The following ANKRD11 variants were observed in gnomAD, a reference collection of about 807,000 sequenced individuals.
ANKRD11 encodes the protein ankyrin repeat domain 11.
In ANKRD11, 17 loss-of-function variants were observed where a neutral mutation model predicts 195.7. The observed-to-expected ratio is 0.09, with a 90% CI of 0.06 to 0.13. ANKRD11 has a LOEUF of 0.13. ANKRD11 is among the 10% of genes least tolerant of loss of function. The pLI is 1.00. For missense variants in ANKRD11, 3,735 were observed against 3,566.1 expected (o/e 1.05, Z -1.21); for synonymous variants, 1,953 against 1,528.1 (o/e 1.28, Z -6.49).
intron 7 of ANKRD11, chr16:89,288,226 C>G (rs2034788638): frequency 1.6e-6 from 1 of 612,522 alleles, no homozygotes. Flanking sequence ...CTCCTGCAGG[C>G]CTCCTTCCAC....
At chr16:89,271,471 C>T (rs2033148512) in intron 11 of ANKRD11, 2 of 183,968 alleles carry the variant, frequency 1.1e-5, no homozygotes, top group South Asian at 2.0e-4. Flanking sequence ...CGTCCTGTGT[C>T]CTGAAGGGTG....
intron 2 of ANKRD11, among the ~76,000 whole-genome samples, chr16:89,381,389 A>G (rs1190022471): frequency 1.3e-5 from 2 of 151,390 alleles, no homozygotes; most frequent in African/African-American, 2.4e-5. Context: ...TCAGACTATT[A>G]GAAGCAAGAC....
chr16:89,446,778 G>GC (rs1197865165), intron 1 of ANKRD11, among the ~76,000 whole-genome samples: 1 of 152,052 alleles, frequency 6.6e-6, no homozygotes, highest in Admixed American at 6.6e-5. Flanking sequence ...GCACCAAGGG[G>GC]CCCTTCTCAC....
intron 1 of ANKRD11, among the ~76,000 whole-genome samples, chr16:89,454,226 C>T (rs1446676790): frequency 1.3e-5 from 2 of 152,136 alleles, no homozygotes; most frequent in Non-Finnish European, 2.9e-5. Context: ...CAAGTGTGGG[C>T]AGCTGTAGCT....
rs1172027664 is a variant in ANKRD11, at chr16:89,482,371, G to A, written c.-145+7874C>T. Among the ~76,000 whole-genome samples, 12 of 152,106 alleles carry A rather than the reference G, an allele frequency of 7.9e-5. 1 individual carries two copies. In the South Asian group the frequency reaches 2.1e-3, roughly 26 times the overall value. On this transcript the variant is annotated intron_variant, in intron 1 of 12. Transcript: ENST00000301030. Reference sequence around the variant, plus strand: ...TGACTGCCCTCATCAAAACTGCCAAGGTCATGAAAAACAGGGAAACGCTGA... The same window carrying A: ...TGACTGCCCTCATCAAAACTGCCAAAGTCATGAAAAACAGGGAAACGCTGA...
intron 3 of ANKRD11, among the ~76,000 whole-genome samples, chr16:89,309,264 AG>A (rs2036476284): frequency 1.3e-5 from 2 of 152,210 alleles, no homozygotes; most frequent in South Asian, 4.1e-4. Context: ...GAATGCCAAC[AG>A]GAGCAAAATC....
chr16:89,436,172 T>C (rs1313333822), intron 1 of ANKRD11, among the ~76,000 whole-genome samples: 1 of 152,138 alleles, frequency 6.6e-6, no homozygotes, highest in Non-Finnish European at 1.5e-5. Flanking sequence ...CCCAGCACTT[T>C]AGGAGACGGA....
chr16:89,441,611 C>G (rs899371470), intron 1 of ANKRD11, among the ~76,000 whole-genome samples: 3 of 150,808 alleles, frequency 2.0e-5, no homozygotes, highest in Non-Finnish European at 4.4e-5. Flanking sequence ...ACTAAAAATA[C>G]AAAAAATTAG....
rs1201271304 is a variant in ANKRD11, at chr16:89,283,735, T to C, written c.2807A>G (p.Glu936Gly). 1 of 1,613,486 alleles carries C rather than the reference T, an allele frequency of 6.2e-7. No homozygotes were observed. The change falls in exon 9 of 13, where the codon GAA becomes GGA. Residue 936 changes from glutamate to glycine, a missense_variant. Coordinates refer to ENST00000301030, the MANE Select transcript of ANKRD11 (RefSeq NM_013275.6). The surrounding 1 kb of genome is among the most constrained non-coding windows in gnomAD (Gnocchi z 4.3). The part of the protein sequence containing the change: ...KHKSVPGYLS[E>G]KDKKRRESAE... Reference sequence around the variant, plus strand: ...GGACTCTCTCCTCTTCTTGTCCTTTTCCGAAAGGTAGCCAGGGACACTTTT... The same window carrying C: ...GGACTCTCTCCTCTTCTTGTCCTTTCCCGAAAGGTAGCCAGGGACACTTTT...
At chr16:89,349,255 G>A (rs1184142183) in intron 2 of ANKRD11, among the ~76,000 whole-genome samples, 1 of 150,400 alleles carries the variant, frequency 6.6e-6, no homozygotes, top group African/African-American at 2.4e-5. Flanking sequence ...CAGGCCAGGC[G>A]CAGTGGCTCA....
Position 89,282,615 on chromosome 16 carries a change from C to G in ANKRD11, c.3927G>C (p.Thr1309=), listed in dbSNP as rs143428884. ...TCAGCCCCGGCTCCTGCCCTCGGTC[C>G]GTGAAGCTGTCAGAGGAGACCTCGC... ...KISEVSSDSF[T]DRGQEPGLTA... Residue 1309 remains threonine, a synonymous_variant, in exon 9 of 13, where the codon ACG becomes ACC. Coordinates refer to ENST00000301030, the MANE Select transcript of ANKRD11 (RefSeq NM_013275.6). 3 of 1,614,154 alleles carry G rather than the reference C, an allele frequency of 1.9e-6. No individual in the cohort carries two copies. Among genetic ancestry groups the G allele is most frequent in the Non-Finnish European group, 8.5e-7 (1 of 1,180,040 alleles).
In ANKRD11 at chr16:89,283,461, T is replaced by A; in HGVS notation, c.3081A>T (p.Arg1027Ser). 6.2e-7 allele frequency: 1 copy of A among 1,614,228 alleles called. No individual in the cohort carries two copies. Among genetic ancestry groups the A allele is most frequent in the Non-Finnish European group, 8.5e-7 (1 of 1,180,050 alleles). ...CCTTGTCACTGGATTTCTCTTTGTATCTTTCTGGTTTTGTCTTCTCCTTCC... is the reference window on the plus strand; with the variant it reads ...CCTTGTCACTGGATTTCTCTTTGTAACTTTCTGGTTTTGTCTTCTCCTTCC... ...KERKEKTKPE[R>S]YKEKSSDKDK... The change falls in exon 9 of 13, where the codon AGA becomes AGT. Residue 1027 changes from arginine (R) to serine (S), a missense_variant. Coordinates refer to ENST00000301030, the MANE Select transcript of ANKRD11 (RefSeq NM_013275.6). This position sits in a 1 kb window ranked among gnomAD's most constrained non-coding sequence, Gnocchi z 4.3.
intron 2 of ANKRD11, among the ~76,000 whole-genome samples, chr16:89,370,033 C>T (rs935831641): frequency 6.6e-6 from 1 of 152,242 alleles, no homozygotes; most frequent in African/African-American, 2.4e-5. Flanking sequence ...CAAGACCATC[C>T]AGTAACGAGA....
At chr16:89,344,934 G>A (rs1019173476) in intron 2 of ANKRD11, among the ~76,000 whole-genome samples, 7 of 152,170 alleles carry the variant, frequency 4.6e-5, no homozygotes, top group South Asian at 2.1e-4. Flanking sequence ...AAATACCAGT[G>A]AAAAAGAATG....
Position 89,284,696 on chromosome 16 carries a change from C to G in ANKRD11, c.1846G>C (p.Glu616Gln). 1 of 1,613,956 alleles carries G rather than the reference C, an allele frequency of 6.2e-7. No individual in the cohort carries two copies. Among genetic ancestry groups the G allele is most frequent in the South Asian group, 1.1e-5 (1 of 91,084 alleles). Residue 616 changes from glutamate (E) to glutamine (Q), a missense_variant, in exon 9 of 13, where the codon GAG becomes CAG. Transcript: ENST00000301030. ...EKKSPFLSSA[E>Q]GAVPKLDKEG... ...TTGTCCAGTTTGGGGACAGCGCCCTCCGCGCTGGACAGGAAGGGGCTCTTC... is the reference window on the plus strand; with the variant it reads ...TTGTCCAGTTTGGGGACAGCGCCCTGCGCGCTGGACAGGAAGGGGCTCTTC...
At chr16:89,457,397 G>C (rs980927857) in intron 1 of ANKRD11, among the ~76,000 whole-genome samples, 15 of 151,440 alleles carry the variant, frequency 9.9e-5, no homozygotes, top group Non-Finnish European at 2.1e-4. Context: ...AGGAGTTCAA[G>C]ACCAGCCCAG....
intron 1 of ANKRD11, among the ~76,000 whole-genome samples, chr16:89,477,140 T>C (rs1051028862): frequency 6.6e-6 from 1 of 151,788 alleles, no homozygotes; most frequent in Non-Finnish European, 1.5e-5. Flanking sequence ...AATTTATATC[T>C]CAGAAAACAG....
At chr16:89,416,068 C>T (rs1379023707) in intron 2 of ANKRD11, among the ~76,000 whole-genome samples, 1 of 152,048 alleles carries the variant, frequency 6.6e-6, no homozygotes. Context: ...AAAATCAATA[C>T]TGAGGATCTA....
At chr16:89,426,985 C>T (rs2042743166) in intron 1 of ANKRD11, among the ~76,000 whole-genome samples, 1 of 152,166 alleles carries the variant, frequency 6.6e-6, no homozygotes, top group Non-Finnish European at 1.5e-5. Context: ...AAGTAGGAAC[C>T]TCAGAATGAG....
Sources: gnomAD v4.1 joint callset for allele counts (sites outside exome capture counted in the v4.1 genomes callset) on GRCh38, gnomAD v4.1.1 for gene constraint, Gnocchi (gnomAD v3.1) non-coding constraint, MANE v1.5 for transcripts, NCBI Gene and HGNC (gene_info 2026-07-23, HGNC 2026-07-21) for gene names.